The following KIFC2 variants were observed in gnomAD, a reference collection of about 807,000 sequenced individuals.
KIFC2 encodes kinesin family member C2, also known as kinesin-like protein KIFC2.
Under a neutral mutation model 91.5 loss-of-function variants are expected in KIFC2, and 94 were observed. That is an observed-to-expected ratio of 1.03 (90% CI 0.87 to 1.22). KIFC2 has a LOEUF of 1.22. Ranked by LOEUF, KIFC2 falls within the 50% of genes most tolerant of loss-of-function variation. The pLI is 0.00. For synonymous variants in KIFC2, 729 were observed against 503.9 expected, an observed-to-expected ratio of 1.45 and a Z score of -5.98; for missense variants, 1,357 against 1,103.3, an observed-to-expected ratio of 1.23 and a Z score of -3.26.
rs1014678621 is a variant in KIFC2 at position 144,466,828 on chromosome 8, C to T, written c.168C>T (p.Thr56=). The change falls in exon 2 of 18, where the codon ACC becomes ACT. Residue 56 remains threonine, a synonymous_variant. Coordinates refer to ENST00000645548, the MANE Select transcript of KIFC2 (RefSeq NM_001369769.2). ...CGCCAGAGCTGTGGACCGAGCTGAC[C>T]GGCCTGGCCGGTAGGTGCGGGCTGG... The part of the protein sequence containing the change: ...LPAPELWTEL[T]GLAASSEPED... The T allele has an allele frequency of 1.3e-6, 2 of 1,536,706 alleles. No homozygotes were observed. The highest frequency in any genetic ancestry group is 1.9e-5 in the Admixed American group (1 of 51,482).
At chr8:144,466,735 AG>A in intron 1 of KIFC2, 24 bp from the exon 2 acceptor site, 1 of 1,502,904 alleles carries the variant, frequency 6.7e-7, no homozygotes, top group Non-Finnish European at 8.9e-7. Flanking sequence ...CCCCCTCCTC[AG>A]GGGCGCCCCT....
At chr8:144,469,407 G>A (rs1824835729) in intron 11 of KIFC2, 28 bp downstream of exon 11, 1 of 1,611,806 alleles carries the variant, frequency 6.2e-7, no homozygotes, top group Non-Finnish European at 8.5e-7. Context: ...GCCTAGCGGG[G>A]CAGGGAGGGC....
rs1564747937 is a variant in KIFC2, at chr8:144,468,648, C to T, written c.1001C>T (p.Ala334Val). 1.2e-6 allele frequency: 2 copies of T among 1,613,256 alleles called. No homozygotes were observed. Among genetic ancestry groups the T allele is most frequent in the Non-Finnish European group, 1.7e-6 (2 of 1,179,492 alleles). The change falls in exon 9 of 18, where the codon GCA (alanine) becomes GTA (valine). Residue 334 changes from alanine (A) to valine (V), a missense_variant and splice_region_variant. Ala to Val is a moderately conservative substitution (Grantham distance 64, BLOSUM62 0). Transcript: ENST00000645548. The part of the protein sequence containing the change: ...RELQQMHGQL[A>V]GLRARMASLR... ...CTACAGCAGATGCATGGGCAGCTGG[C>T]AGGTAAGGGTTGGGGTTGGGGCTCA...
At chr8:144,471,003 G>A (rs1824902183) in intron 12 of KIFC2, among the ~76,000 whole-genome samples, 1 of 151,856 alleles carries the variant, frequency 6.6e-6, no homozygotes, top group South Asian at 2.1e-4. Flanking sequence ...CCACTCTGTT[G>A]CCCAGGCTGT....
rs754546267 is a variant in KIFC2 at position 144,468,336 on chromosome 8, C to T, written c.818C>T (p.Ala273Val). The T allele has an allele frequency of 9.3e-6, 15 of 1,610,816 alleles. No homozygotes were observed. Among genetic ancestry groups the T allele is most frequent in the South Asian group, 3.3e-5 (3 of 90,604 alleles). Residue 273 changes from alanine (A) to valine (V), a missense_variant, in exon 8 of 18, where the codon GCA becomes GTA. Ala to Val is a moderately conservative substitution (Grantham distance 64). Coordinates refer to ENST00000645548, the MANE Select transcript of KIFC2 (RefSeq NM_001369769.2). ...GPPIRAPQEE[A>V]EALLELQGRL... is the part of the protein sequence containing the mutation. ...GCCCCCACCCTCCCGCAGGAGGAGGCAGAGGCATTGCTAGAGCTCCAGGGC... is the reference window on the plus strand; with the variant it reads ...GCCCCCACCCTCCCGCAGGAGGAGGTAGAGGCATTGCTAGAGCTCCAGGGC...
At position 144,467,906 on chromosome 8, in the gene KIFC2, C is replaced by T. The variant is rs760647249; in HGVS notation, c.729C>T (p.Asn243=). Residue 243 remains asparagine, a synonymous_variant, in exon 7 of 18, where the codon AAC becomes AAT. Transcript: ENST00000645548. The part of the protein sequence containing the change: ...EKRVQHLTLE[N]EALKQSLSLM... ...GGGTTCAGCATCTGACTCTGGAGAA[C>T]GAGGCCCTGAAGCAGAGCCTGAGTC... The T allele has an allele frequency of 3.1e-6, 5 of 1,612,878 alleles. No individual in the cohort carries two copies. Among genetic ancestry groups the T allele is most frequent in the African/African-American group, 1.3e-5 (1 of 74,996 alleles).
rs754483498 is a variant in KIFC2 at position 144,472,612 on chromosome 8, C to T, written c.1767C>T (p.Ala589=). 1.9e-6 allele frequency: 3 copies of T among 1,605,938 alleles called. No homozygotes were observed. Among genetic ancestry groups the T allele is most frequent in the South Asian group, 1.1e-5 (1 of 91,070 alleles). The part of the protein sequence containing the change: ...LKLGRSNRAT[A]ATAMNQRSSR... ...TGGGGAGGAGCAACCGGGCCACCGC[C>T]GCCACCGCCATGAACCAGCGCAGCT... Residue 589 remains alanine (A), a synonymous_variant, in exon 16 of 18, where the codon GCC becomes GCT. Transcript: ENST00000645548.
chr8:144,469,532 C>T lies in KIFC2; in HGVS notation c.1265C>T (p.Ser422Phe), dbSNP rs758547298. ...VLCRLRPGTS[S>F]SLVSVEPGPG... is the part of the protein sequence containing the mutation. ...TGTCGGCTGAGGCCAGGGACATCTTCTAGCCTTGTGAGTGTGGAGCCTGGC... is the reference window on the plus strand; with the variant it reads ...TGTCGGCTGAGGCCAGGGACATCTTTTAGCCTTGTGAGTGTGGAGCCTGGC... Residue 422 changes from serine (S) to phenylalanine (F), a missense_variant, in exon 12 of 18, where the codon TCT becomes TTT. By Grantham distance (155) the Ser-to-Phe change is radical. Coordinates refer to ENST00000645548, the MANE Select transcript of KIFC2 (RefSeq NM_001369769.2). 59 of 1,613,848 alleles carry T rather than the reference C, an allele frequency of 3.7e-5. No individual in the cohort carries two copies. The Admixed American group carries it at 9.7e-4, about 26-fold the overall frequency.
Position 144,467,310 on chromosome 8 carries a change from A to T in KIFC2, c.438A>T (p.Pro146=), listed in dbSNP as rs776380146. ...GRQALLQGTQ[P]APRVRPPSPD... ...AGGCCCTGCTCCAGGGGACTCAGCCAGCCCCTCGGGTCCGGCCCCCCTCTC... is the reference window on the plus strand; with the variant it reads ...AGGCCCTGCTCCAGGGGACTCAGCCTGCCCCTCGGGTCCGGCCCCCCTCTC... The change falls in exon 4 of 18, where the codon CCA becomes CCT. Residue 146 remains proline, a synonymous_variant. Transcript: ENST00000645548. The T allele has an allele frequency of 5.0e-6, 8 of 1,611,932 alleles. No homozygotes were observed. The Admixed American group carries it at 1.3e-4, about 27-fold the overall frequency.
At chr8:144,466,208 C>A, upstream of KIFC2, 1 of 181,730 alleles carries the variant, frequency 5.5e-6, no homozygotes. Flanking sequence ...GCGCGCCGGG[C>A]GGCGCCGTGA....
chr8:144,472,547 A>G, intron 15 of KIFC2, 30 bp from the exon 16 acceptor site: 2 of 1,611,960 alleles, frequency 1.2e-6, no homozygotes, highest in South Asian at 1.1e-5. Context: ...GGGACCCTGC[A>G]CCTGACCAGC....
rs766473069 is a variant in KIFC2 at position 144,473,027 on chromosome 8, C to A, written c.2094C>A (p.Gly698=). The change falls in exon 17 of 18, where the codon GGC becomes GGA. Residue 698 remains glycine, a synonymous_variant. Transcript: ENST00000645548. ...TRLLQPALGP[G]TTAVLLLQIS... ...TGCTGCAGCCGGCGCTGGGCCCAGG[C>A]ACCACCGCGGTGCTGCTGCTGCAGG... is the stretch of plus-strand genomic sequence containing the variant. 21 of 1,416,918 alleles carry A rather than the reference C, an allele frequency of 1.5e-5. 1 individual carries two copies. The South Asian group carries it at 3.0e-4, about 21-fold the overall frequency. The allele number at this position is 1,416,918 out of a possible 1,614,324, so 87.8% of individuals were successfully genotyped here.
In KIFC2 at chr8:144,467,465, C is replaced by T. The variant is rs757764419; in HGVS notation, c.470-20C>T. 3.2e-6 allele frequency: 5 copies of T among 1,549,798 alleles called. No homozygotes were observed. The South Asian group carries it at 3.8e-5, about 12-fold the overall frequency. ...GGACTAGAGACCTCTTCAGTGCTAA[C>T]TGGGCCCACCCTACTCCAGGATCCA... On this transcript the variant is annotated intron_variant, in intron 4 of 17. Transcript: ENST00000645548.
intron 7 of KIFC2, 83 bp downstream of exon 7, chr8:144,468,070 T>C (rs1824758144): frequency 3.5e-6 from 5 of 1,444,654 alleles, no homozygotes; most frequent in Admixed American, 2.8e-5. Context: ...CCGAGCCTCC[T>C]CAGGACCTCC....
chr8:144,467,390 C>G lies in KIFC2; in HGVS notation c.469+49C>G, dbSNP rs781781111. 9.7e-6 allele frequency: 15 copies of G among 1,550,000 alleles called. No homozygotes were observed. The East Asian group carries it at 2.0e-4, about 21-fold the overall frequency. On this transcript the variant is annotated intron_variant, in intron 4 of 17. Coordinates refer to ENST00000645548, the MANE Select transcript of KIFC2 (RefSeq NM_001369769.2). ...AGAAGAACTCTGGAGGGAGCAAATC[C>G]CGGTAGAACCTGGGCGGCCTGGAGT...
In KIFC2 at chr8:144,472,247, A is replaced by G. The variant is rs1824956410; in HGVS notation, c.1595A>G (p.Asn532Ser). ...RVTLSMVEIY[N>S]EAVRDLLAPG... is the part of the protein sequence containing the mutation. ...ACACTCAGCATGGTGGAGATCTACAATGAGGCTGTCAGGTGGGCTACTCCA... is the reference window on the plus strand; with the variant it reads ...ACACTCAGCATGGTGGAGATCTACAGTGAGGCTGTCAGGTGGGCTACTCCA... Residue 532 changes from asparagine (N) to serine (S), a missense_variant, in exon 14 of 18, where the codon AAT (asparagine) becomes AGT (serine). Asn to Ser is a conservative substitution (Grantham distance 46). Transcript: ENST00000645548. The G allele has an allele frequency of 1.2e-6, 2 of 1,611,054 alleles. No individual in the cohort carries two copies. The highest frequency in any genetic ancestry group is 2.2e-5 in the South Asian group (2 of 90,978).
rs962942429 is a variant in KIFC2, at chr8:144,466,534, C to A, written c.99+16C>A. The A allele has an allele frequency of 1.3e-5, 15 of 1,183,890 alleles. No individual in the cohort carries two copies. The highest frequency in any genetic ancestry group is 1.4e-5 in the Non-Finnish European group (13 of 939,528). The allele number at this position is 1,183,890 out of a possible 1,614,324, so 73.3% of individuals were successfully genotyped here. Reference sequence around the variant, plus strand: ...CCCCGCCCAGGTGAGCGGGGCTGGCCGTGCAGCCCGTCGTCTCCCGCCGCC... The same window carrying A: ...CCCCGCCCAGGTGAGCGGGGCTGGCAGTGCAGCCCGTCGTCTCCCGCCGCC... On this transcript the variant is annotated intron_variant, in intron 1 of 17. Transcript: ENST00000645548.
intron 10 of KIFC2, 25 bp from the exon 11 acceptor site, chr8:144,469,246 C>A: frequency 6.4e-7 from 1 of 1,559,706 alleles, no homozygotes; most frequent in East Asian, 2.3e-5. Flanking sequence ...GACCCCTTGC[C>A]TTCTGTACAT....
rs149461556 is a variant in KIFC2, at chr8:144,467,924, C to T, written c.747C>T (p.Ser249=). The T allele has an allele frequency of 1.1e-5, 18 of 1,610,890 alleles. No homozygotes were observed. In the East Asian group the frequency reaches 3.6e-4, roughly 32 times the overall value. ...TGGAGAACGAGGCCCTGAAGCAGAG[C>T]CTGAGTCTCATGCGGGACCTCCTGC... ...LTLENEALKQ[S]LSLMRDLLLH... is the part of the protein sequence containing the mutation. Residue 249 remains serine (S), a synonymous_variant, in exon 7 of 18, where the codon AGC becomes AGT. Coordinates refer to ENST00000645548, the MANE Select transcript of KIFC2 (RefSeq NM_001369769.2).
Sources: gnomAD v4.1 joint callset for allele counts (sites outside exome capture counted in the v4.1 genomes callset) on GRCh38, gnomAD v4.1.1 for gene constraint, MANE v1.5 for transcripts, NCBI Gene and HGNC (gene_info 2026-07-23, HGNC 2026-07-21) for gene names.